Variants in CEACAM21 observed in about 807,000 individuals in gnomAD.
The protein encoded by CEACAM21 is CEA cell adhesion molecule 21, also known as cell adhesion molecule CEACAM21.
A neutral mutation model predicts 33.2 loss-of-function variants in CEACAM21; 38 were observed. That is an observed-to-expected ratio of 1.14 (90% confidence interval 0.88 to 1.50). CEACAM21 has a LOEUF of 1.50. Among genes scored for constraint, CEACAM21 ranks in the 40% most tolerant of loss-of-function variants. The pLI, the probability that CEACAM21 is intolerant of heterozygous loss-of-function variation, is 0.00. For missense variants in CEACAM21, 385 were observed against 364.6 expected, an observed-to-expected ratio of 1.06 and a Z score of -0.46; for synonymous variants, 156 against 143.0, an observed-to-expected ratio of 1.09 and a Z score of -0.65.
intron 2 of CEACAM21, among the ~76,000 whole-genome samples, chr19:41,568,373 G>A (rs2042397998): frequency 6.6e-6 from 1 of 151,972 alleles, no homozygotes; most frequent in Non-Finnish European, 1.5e-5. Context: ...CAATGTCATG[G>A]ATTTTCCCCC....
intron 3 of CEACAM21, among the ~76,000 whole-genome samples, chr19:41,579,975 G>A (rs549211248): frequency 1.3e-4 from 20 of 152,314 alleles, no homozygotes; most frequent in African/African-American, 4.8e-4. Flanking sequence ...CTCAATCAGT[G>A]CTATCAATAT....
At chr19:41,569,533 G>T (rs1459018380) in intron 2 of CEACAM21, among the ~76,000 whole-genome samples, 1 of 152,118 alleles carries the variant, frequency 6.6e-6, no homozygotes, top group Non-Finnish European at 1.5e-5. Flanking sequence ...GGAAGGTGAG[G>T]TTCAGAGAGG....
rs1471154574 is a variant in CEACAM21, at chr19:41,563,703, A to G, written c.-778-979A>G. Among the ~76,000 whole-genome samples, 4 of 152,378 alleles carry G rather than the reference A, an allele frequency of 2.6e-5. No individual in the cohort carries two copies. The East Asian group carries it at 7.7e-4, about 29-fold the overall frequency. ...ACTCGGACCCAGAAGCAGCTCCTCT[A>G]GGAACGGATTAGCTTCAGGGTTGTC... On this transcript the variant is annotated intron_variant, in intron 1 of 7. Coordinates refer to the CEACAM21 transcript ENST00000407170.
rs138536295 is a variant in CEACAM21 at position 41,561,258 on chromosome 19, C to T, written c.-778-3424C>T. Among the ~76,000 whole-genome samples, 176 of 152,252 alleles carry T rather than the reference C, an allele frequency of 1.2e-3. 2 individuals carry two copies. In the East Asian group the frequency reaches 0.031, roughly 27 times the overall value. ...ACTCAAGCAATCCATCTGCCTCAGC[C>T]TCCCAGGTATCGGGGATTACAGTAC... is the stretch of plus-strand genomic sequence containing the variant. On this transcript the variant is annotated intron_variant, in intron 1 of 7. Coordinates refer to the CEACAM21 transcript ENST00000407170.
rs2070558346 is a variant in CEACAM21 at position 41,584,433 on chromosome 19, A to C, written c.787A>C (p.Lys263Gln). ...AALVCFLLLR[K>Q]TGRASDQSDF... The stretch of plus-strand genomic sequence containing the variant: ...ACTTGTGTGTTTCCTGCTCCTCCGA[A>C]AAACTGGCAGGTACCACAGCTTTTC... The change falls in exon 4 of 7, where the codon AAA becomes CAA. Residue 263 changes from lysine (K) to glutamine (Q), a missense_variant. Lys to Gln is a moderately conservative substitution (Grantham distance 53). Transcript: ENST00000401445. The C allele has an allele frequency of 1.2e-6, 2 of 1,605,526 alleles. No individual in the cohort carries two copies. Among genetic ancestry groups the C allele is most frequent in the Non-Finnish European group, 1.7e-6 (2 of 1,175,688 alleles).
intron 1 of CEACAM21, chr19:41,555,562 G>A (rs1312226061): frequency 1.3e-5 from 2 of 151,900 alleles, no homozygotes; most frequent in South Asian, 4.1e-4. Context: ...CATCTGGAAG[G>A]CAGGGCATCT....
chr19:41,584,944 C>T (rs2070613821), intron 4 of CEACAM21, among the ~76,000 whole-genome samples: 2 of 152,210 alleles, frequency 1.3e-5, no homozygotes, highest in African/African-American at 2.4e-5. Context: ...CCTGGAATGT[C>T]GTTTATGTCT....
chr19:41,556,553 T>C (rs1410800406), intron 1 of CEACAM21, among the ~76,000 whole-genome samples: 2 of 152,254 alleles, frequency 1.3e-5, no homozygotes, highest in African/African-American at 4.8e-5. Context: ...AATCAGATTT[T>C]AGCCAACACA....
intron 1 of CEACAM21, among the ~76,000 whole-genome samples, chr19:41,563,058 C>CGAAATATATGGTTTTAAA (rs2041999040): frequency 6.6e-6 from 1 of 152,070 alleles, no homozygotes; most frequent in Non-Finnish European, 1.5e-5. Context: ...AGTTTAAAAG[C>CGAAATATATGGTTTTAAA]ACATAACGAA....
At chr19:41,582,142 C>G (rs1047268167) in intron 3 of CEACAM21, among the ~76,000 whole-genome samples, 1 of 152,222 alleles carries the variant, frequency 6.6e-6, no homozygotes, top group Non-Finnish European at 1.5e-5. Flanking sequence ...GCTACAGGCC[C>G]CATGCAAGCC....
chr19:41,584,148 C>T (rs2122294091), intron 3 of CEACAM21, among the ~76,000 whole-genome samples, 199 bp from the exon 4 acceptor site: 1 of 152,208 alleles, frequency 6.6e-6, no homozygotes, highest in East Asian at 1.9e-4. Context: ...GTTGATGCAT[C>T]CCAGTAATTC....
chr19:41,555,868 A>G (rs1050522924), intron 1 of CEACAM21, among the ~76,000 whole-genome samples: 2 of 152,224 alleles, frequency 1.3e-5, no homozygotes, highest in Non-Finnish European at 2.9e-5. Flanking sequence ...CATTTATTGC[A>G]ACGGCTCTCA....
intron 1 of CEACAM21, among the ~76,000 whole-genome samples, chr19:41,564,356 T>TTATTTATTTATG (rs1194202138): frequency 1.3e-5 from 2 of 151,470 alleles, no homozygotes; most frequent in Admixed American, 1.3e-4. Flanking sequence ...ATTTATTTAT[T>TTATTTATTTATG]TATTTATTTA....
intron 2 of CEACAM21, among the ~76,000 whole-genome samples, chr19:41,577,806 GA>G (rs2043065236): frequency 6.6e-6 from 1 of 152,204 alleles, no homozygotes; most frequent in Non-Finnish European, 1.5e-5. Context: ...TGCAGCGGGG[GA>G]AAATCAGTCT....
At chr19:41,571,502 A>G (rs565123838), upstream of CEACAM21, among the ~76,000 whole-genome samples, 3 of 152,298 alleles carry the variant, frequency 2.0e-5, no homozygotes, top group South Asian at 6.2e-4. Context: ...GCATGACCCC[A>G]AGGCACCAGA....
At chr19:41,552,288 G>GC (rs1487785812) in intron 1 of CEACAM21, 1 of 152,124 alleles carries the variant, frequency 6.6e-6, no homozygotes, top group African/African-American at 2.4e-5. Context: ...AGAGGTTTGG[G>GC]GGGGGTTCCT....
At position 41,586,661 on chromosome 19, in the gene CEACAM21, G is replaced by C. The variant is rs985450687; in HGVS notation, c.*198G>C. ...CTGAGGAGACACAGGCCTGGGGACA[G>C]GAAGGGATGGGGGTCCCTGCTGAAT... On this transcript the variant is annotated 3_prime_UTR_variant, in exon 7 of 7. Transcript: ENST00000401445. The C allele has an allele frequency of 6.1e-6, 3 of 487,996 alleles. No individual in the cohort carries two copies. The highest frequency in any genetic ancestry group is 3.3e-5 in the South Asian group (2 of 61,520). 30.2% of individuals were successfully genotyped at this position (487,996 alleles called of 1,614,324 possible). A position where few individuals can be genotyped will look rare whatever the true frequency, so the allele number is the denominator to read the frequency against.
At chr19:41,574,171 C>T (rs558307139), upstream of CEACAM21, among the ~76,000 whole-genome samples, 1 of 152,320 alleles carries the variant, frequency 6.6e-6, no homozygotes, top group Admixed American at 6.5e-5. Context: ...TAGACCCCTA[C>T]CTCACAGCCC....
rs528220559 is a variant in CEACAM21 at position 41,583,601 on chromosome 19, A to T, written c.701-746A>T. On this transcript the variant is annotated intron_variant, in intron 3 of 6. Coordinates refer to ENST00000401445, the MANE Select transcript of CEACAM21 (RefSeq NM_001098506.4). ...TGGAGAGGTCTCACAATCATGATGG[A>T]AGGTGAAAGGCATGTCTTACATGGC... 1.2e-4 allele frequency among the ~76,000 whole-genome samples: 18 copies of T among 152,310 alleles called. No homozygotes were observed. In the South Asian group the frequency reaches 3.7e-3, roughly 32 times the overall value.
Sources: gnomAD v4.1 joint callset for allele counts (sites outside exome capture counted in the v4.1 genomes callset) on GRCh38, gnomAD v4.1.1 for gene constraint, MANE v1.5 for transcripts, NCBI Gene and HGNC (gene_info 2026-07-23, HGNC 2026-07-21) for gene names.